NEK10: variants seen among roughly 807,000 people sequenced by gnomAD.
NEK10 encodes NIMA related kinase 10, also known as serine/threonine-protein kinase Nek10.
Under a neutral mutation model 159.8 loss-of-function variants are expected in NEK10, and 122 were observed. The observed-to-expected ratio is 0.76, with a 90% CI of 0.66 to 0.89. NEK10 has a LOEUF of 0.89. Ranked by LOEUF, NEK10 falls within the 40% of genes least tolerant of loss-of-function variation. The pLI is 0.00. For synonymous variants in NEK10, 466 were observed against 457.1 expected, an observed-to-expected ratio of 1.02 and a Z score of -0.25; for missense variants, 1,342 against 1,323.1, an observed-to-expected ratio of 1.01 and a Z score of -0.22.
chr3:27,291,228 G>A, intron 18 of NEK10, 34 bp downstream of exon 18: 1 of 1,598,516 alleles, frequency 6.3e-7, no homozygotes, highest in Non-Finnish European at 8.5e-7. Context: ...GTTTGGTTGG[G>A]AGTATCAGAA....
chr3:27,368,021 G>T (rs1318828664), intron 1 of NEK10, among the ~76,000 whole-genome samples: 10 of 152,148 alleles, frequency 6.6e-5, no homozygotes. Context: ...AGCCGGGCAC[G>T]GTGGCTCACG....
rs146610101 is a variant in NEK10, at chr3:27,174,640, C to A, written c.2689+10G>T. 8.8e-5 allele frequency: 141 copies of A among 1,606,146 alleles called. 2 individuals carry two copies. In the East Asian group the frequency reaches 9.8e-4, roughly 11 times the overall value. On this transcript the variant is annotated intron_variant, in intron 27 of 35. Coordinates refer to ENST00000691995, the MANE Select transcript of NEK10 (RefSeq NM_001394966.1). ...CAGTACCTACGTTGACACACTGCCA[C>A]TAGCAGTACCTTTCTCAGCATTTTC... is the stretch of plus-strand genomic sequence containing the variant.
chr3:27,202,394 AC>A, intron 24 of NEK10, 33 bp downstream of exon 24: 1 of 1,576,016 alleles, frequency 6.3e-7, no homozygotes, highest in Non-Finnish European at 8.7e-7. Context: ...ATTTTTAGCT[AC>A]ACGAGACCCT....
At chr3:27,161,091 T>C (rs956879490) in intron 30 of NEK10, among the ~76,000 whole-genome samples, 13 of 152,310 alleles carry the variant, frequency 8.5e-5, no homozygotes, top group Admixed American at 3.9e-4. Context: ...CGACATAAAA[T>C]CAAGTCTTGC....
chr3:27,143,625 G>T (rs1944001138), intron 30 of NEK10, among the ~76,000 whole-genome samples: 1 of 152,030 alleles, frequency 6.6e-6, no homozygotes, highest in Non-Finnish European at 1.5e-5. Context: ...AAATACTTTT[G>T]ATTACTTAGT....
At chr3:27,127,673 T>C (rs929386948) in intron 32 of NEK10, among the ~76,000 whole-genome samples, 6 of 152,202 alleles carry the variant, frequency 3.9e-5, no homozygotes, top group African/African-American at 1.4e-4. Flanking sequence ...AACATCATTA[T>C]GTGGTGCATG....
At chr3:27,205,295 C>T (rs1024629453) in intron 23 of NEK10, among the ~76,000 whole-genome samples, 2 of 141,490 alleles carry the variant, frequency 1.4e-5, no homozygotes, top group African/African-American at 2.6e-5. Context: ...AGGTAATTTA[C>T]AGATTCAATG....
chr3:27,322,957 C>T (rs2045753460), intron 5 of NEK10, among the ~76,000 whole-genome samples: 1 of 152,074 alleles, frequency 6.6e-6, no homozygotes, highest in Non-Finnish European at 1.5e-5. Flanking sequence ...TTGAAAATAC[C>T]TCACAGTGTC....
intron 22 of NEK10, among the ~76,000 whole-genome samples, chr3:27,283,532 G>A (rs2042354753): frequency 1.3e-5 from 2 of 152,222 alleles, no homozygotes; most frequent in African/African-American, 4.8e-5. Flanking sequence ...AACATTTGGA[G>A]ACTGCTGGTT....
rs34545563 is a variant in NEK10 at position 27,119,846 on chromosome 3, G to A, written c.3104C>T (p.Pro1035Leu). The change falls in exon 33 of 36, where the codon CCG becomes CTG. Residue 1035 changes from proline to leucine, a missense_variant. Transcript: ENST00000691995. ...TGCTGTGAAAAAGTTGGGCTCAATC[G>A]GTTCTGGAGATCCCTGAGATAACTG... ...IKKLSQGSPE[P>L]IEPNFFTADY... 3.9e-4 allele frequency: 629 copies of A among 1,613,744 alleles called. 1 individual carries two copies. The East Asian group carries it at 0.011, about 28-fold the overall frequency.
chr3:27,293,970 C>G (rs2043172143), intron 15 of NEK10, among the ~76,000 whole-genome samples: 2 of 152,198 alleles, frequency 1.3e-5, no homozygotes, highest in Admixed American at 6.5e-5. Flanking sequence ...AACCAAATGT[C>G]TAAAGATTTC....
intron 29 of NEK10, among the ~76,000 whole-genome samples, chr3:27,167,214 A>G (rs1368276872): frequency 6.6e-6 from 1 of 152,164 alleles, no homozygotes; most frequent in Non-Finnish European, 1.5e-5. Context: ...AAAGGCTGTC[A>G]GTAGGCAAGA....
chr3:27,177,284 C>T (rs1947601155), intron 26 of NEK10, among the ~76,000 whole-genome samples: 1 of 152,132 alleles, frequency 6.6e-6, no homozygotes, highest in Admixed American at 6.5e-5. Flanking sequence ...TGGCTCACTC[C>T]TGCAATTCCA....
chr3:27,255,221 G>A (rs1326154358), intron 23 of NEK10: 3 of 343,604 alleles, frequency 8.7e-6, no homozygotes, highest in Admixed American at 3.6e-5. Context: ...ACTGTTAAGA[G>A]GATAAGTAGA....
chr3:27,292,644 G>A (rs1003761273), intron 16 of NEK10, among the ~76,000 whole-genome samples: 50 of 152,046 alleles, frequency 3.3e-4, no homozygotes, highest in African/African-American at 1.2e-3. Flanking sequence ...GACCAGCCTG[G>A]CCAACGTGGT....
chr3:27,133,411 T>TGTAG (rs765600048), intron 31 of NEK10, among the ~76,000 whole-genome samples: 1 of 152,160 alleles, frequency 6.6e-6, no homozygotes, highest in Non-Finnish European at 1.5e-5. Context: ...TATAGTAGAA[T>TGTAG]GTAGGGCCCA....
Position 27,304,778 on chromosome 3 carries a change from C to T in NEK10, c.997G>A (p.Gly333Ser). The T allele has an allele frequency of 6.2e-7, 1 of 1,613,652 alleles. No individual in the cohort carries two copies. Among genetic ancestry groups the T allele is most frequent in the Non-Finnish European group, 8.5e-7 (1 of 1,179,612 alleles). The change falls in exon 12 of 36, where the codon GGC becomes AGC. Residue 333 changes from glycine (G) to serine (S), a missense_variant. By Grantham distance (56) the Gly-to-Ser change is moderately conservative. Coordinates refer to ENST00000691995, the MANE Select transcript of NEK10 (RefSeq NM_001394966.1). ...AAAATATGAAGAAGCTGTTTGATGC[C>T]TCCCCAAATGCGAATTTCCACGCTG... ...ETSVEIRIWG[G>S]IKQLLHILQG...
At chr3:27,193,533 A>G (rs1329735831) in intron 25 of NEK10, among the ~76,000 whole-genome samples, 1 of 150,148 alleles carries the variant, frequency 6.7e-6, no homozygotes, top group East Asian at 2.0e-4. Flanking sequence ...GGCTACCTGC[A>G]CTTCCCCAAA....
At chr3:27,319,143 A>G (rs1575728382) in intron 6 of NEK10, among the ~76,000 whole-genome samples, 1 of 152,294 alleles carries the variant, frequency 6.6e-6, no homozygotes, top group Non-Finnish European at 1.5e-5. Flanking sequence ...TTCTAACATA[A>G]TTACAATTCA....
Sources: gnomAD v4.1 joint callset for allele counts (sites outside exome capture counted in the v4.1 genomes callset) on GRCh38, gnomAD v4.1.1 for gene constraint, MANE v1.5 for transcripts, NCBI Gene and HGNC (gene_info 2026-07-23, HGNC 2026-07-21) for gene names.